Variants in SLAMF9 observed in about 807,000 individuals in gnomAD.
The protein encoded by SLAMF9 is CD2 family member 10.
Under a neutral mutation model 30.4 loss-of-function variants are expected in SLAMF9, and 25 were observed. That is an observed-to-expected ratio of 0.82 (90% CI 0.60 to 1.15). The LOEUF (loss-of-function observed/expected upper bound fraction) is 1.15, where lower values mean the gene tolerates loss of function less well. SLAMF9 is among the 50% of genes most tolerant of loss of function. SLAMF9 has a pLI of 0.00. For synonymous variants in SLAMF9, 129 were observed against 127.2 expected (o/e 1.01, Z -0.09); for missense variants, 344 against 346.1 (o/e 0.99, Z 0.05).
the SLAMF9 span, chr1:159,977,004 A>AGG: frequency 9.9e-6 from 1 of 101,222 alleles, no homozygotes; most frequent in African/African-American, 3.9e-5. Flanking sequence ...GAAAGAAAGA[A>AGG]AGAGAAAGAA....
chr1:159,964,978 C>T, the SLAMF9 span, among the ~76,000 whole-genome samples: 1 of 152,158 alleles, frequency 6.6e-6, no homozygotes, highest in African/African-American at 2.4e-5. Flanking sequence ...GCACTTTTCA[C>T]AATACAGGCT....
chr1:159,956,111 C>T (rs1262920860), upstream of SLAMF9, among the ~76,000 whole-genome samples: 2 of 152,110 alleles, frequency 1.3e-5, no homozygotes, highest in Non-Finnish European at 2.9e-5. Flanking sequence ...AAGTGTCTAT[C>T]AATGGATGAA....
the SLAMF9 span, among the ~76,000 whole-genome samples, chr1:159,980,336 C>T: frequency 6.6e-6 from 1 of 152,104 alleles, no homozygotes; most frequent in Non-Finnish European, 1.5e-5. Flanking sequence ...GCCACATCCC[C>T]CGACGCCCTC....
At chr1:159,953,206 G>GC in intron 2 of SLAMF9, 103 bp downstream of exon 2, 2 of 920,826 alleles carry the variant, frequency 2.2e-6, no homozygotes, top group Non-Finnish European at 3.4e-6. Flanking sequence ...TCCAGTTCTA[G>GC]CCCCTCAAAC....
chr1:159,963,089 G>A, the SLAMF9 span, among the ~76,000 whole-genome samples: 47 of 152,288 alleles, frequency 3.1e-4, no homozygotes, highest in South Asian at 8.3e-3. Flanking sequence ...GGGTTCCTTC[G>A]TCTGCAGAAT....
chr1:159,973,303 G>T, the SLAMF9 span: 4 of 644,856 alleles, frequency 6.2e-6, no homozygotes, highest in African/African-American at 7.3e-5. Flanking sequence ...CAGGCCCAGG[G>T]CTCAGGAGGG....
the SLAMF9 span, among the ~76,000 whole-genome samples, chr1:159,960,610 C>T: frequency 0.018 from 2,759 of 152,188 alleles, 39 homozygotes; most frequent in Middle Eastern, 0.054. Context: ...GGATTACAGG[C>T]GCATGCTACT....
the SLAMF9 span, among the ~76,000 whole-genome samples, chr1:159,980,406 G>T: frequency 6.6e-6 from 1 of 152,116 alleles, no homozygotes; most frequent in African/African-American, 2.4e-5. Flanking sequence ...GTGGTAGAAA[G>T]ACACCCAACC....
chr1:159,951,860 T>C lies in SLAMF9; in HGVS notation c.671A>G (p.Asn224Ser), dbSNP rs367769616. ...IPDGPFYADP[N>S]YASEKPSTAF... ...TGTTGAAGGCTTCTCAGAAGCATAGTTAGGATCTGGGGTGGAAGAAAGGAG... is the reference window on the plus strand; with the variant it reads ...TGTTGAAGGCTTCTCAGAAGCATAGCTAGGATCTGGGGTGGAAGAAAGGAG... Residue 224 changes from asparagine to serine, a missense_variant, in exon 4 of 4, where the codon AAC becomes AGC. Transcript: ENST00000368093. The C allele has an allele frequency of 1.5e-5, 24 of 1,613,790 alleles. No homozygotes were observed. The highest frequency in any genetic ancestry group is 2.0e-5 in the Non-Finnish European group (24 of 1,179,932).
At chr1:159,963,248 G>C in the SLAMF9 span, among the ~76,000 whole-genome samples, 4 of 152,204 alleles carry the variant, frequency 2.6e-5, no homozygotes, top group Non-Finnish European at 5.9e-5. Context: ...CATAAAGACA[G>C]TGGGCTTTGG....
the SLAMF9 span, among the ~76,000 whole-genome samples, chr1:159,959,691 G>T: frequency 6.6e-6 from 1 of 152,084 alleles, no homozygotes; most frequent in African/African-American, 2.4e-5. Flanking sequence ...GGTCAGAGGT[G>T]ACATCACTAT....
the SLAMF9 span, among the ~76,000 whole-genome samples, chr1:159,968,757 G>C: frequency 6.6e-6 from 1 of 152,190 alleles, no homozygotes; most frequent in Non-Finnish European, 1.5e-5. Flanking sequence ...AAATGGTTAA[G>C]AAGTAGGGAA....
At chr1:159,974,167 T>G in the SLAMF9 span, 1 of 813,872 alleles carries the variant, frequency 1.2e-6, no homozygotes, top group African/African-American at 1.7e-5. Context: ...ATGGAGGCCC[T>G]TGGATGGTAC....
chr1:159,968,285 C>G, the SLAMF9 span, among the ~76,000 whole-genome samples: 1 of 152,148 alleles, frequency 6.6e-6, no homozygotes, highest in Admixed American at 6.5e-5. Flanking sequence ...CATACTTACT[C>G]TTTTGAGAAC....
upstream of SLAMF9, among the ~76,000 whole-genome samples, chr1:159,957,408 G>C (rs1571231744): frequency 1.3e-5 from 2 of 152,116 alleles, no homozygotes; most frequent in East Asian, 3.9e-4. Context: ...GGTGGATCAC[G>C]AGGTCAAGAG....
upstream of SLAMF9, among the ~76,000 whole-genome samples, chr1:159,958,149 G>C (rs1651966671): frequency 6.6e-6 from 1 of 152,200 alleles, no homozygotes. Context: ...CACAGCCATG[G>C]GCTGGGGCTG....
the SLAMF9 span, among the ~76,000 whole-genome samples, chr1:159,974,349 A>AT: frequency 1.3e-5 from 2 of 151,592 alleles, no homozygotes; most frequent in African/African-American, 2.4e-5. Context: ...CCTACCATAT[A>AT]TTGGGTTTTC....
chr1:159,951,973 G>C, intron 3 of SLAMF9, 107 bp from the exon 4 acceptor site: 2 of 913,396 alleles, frequency 2.2e-6, no homozygotes, highest in Non-Finnish European at 3.4e-6. Context: ...TTCACAATCA[G>C]TTGAAGTCCC....
At chr1:159,968,991 G>C in the SLAMF9 span, among the ~76,000 whole-genome samples, 1 of 152,066 alleles carries the variant, frequency 6.6e-6, no homozygotes, top group Admixed American at 6.6e-5. Flanking sequence ...GCAGTGAGCT[G>C]AGATTGTGCC....
Sources: allele counts gnomAD v4.1 joint callset (sites outside exome capture counted in the v4.1 genomes callset), GRCh38; gene constraint gnomAD v4.1.1; transcripts MANE v1.5; gene names NCBI Gene and HGNC (gene_info 2026-07-23, HGNC 2026-07-21).